RBFOX3: variants seen among roughly 807,000 people sequenced by gnomAD.
RBFOX3 encodes the protein RNA binding protein fox-1 homolog 3.
In RBFOX3, 17 loss-of-function variants were observed where a neutral mutation model predicts 48.7. The observed-to-expected ratio is 0.35, with a 90% CI of 0.24 to 0.52. RBFOX3 has a LOEUF of 0.52. Ranked by LOEUF, RBFOX3 falls within the 20% of genes least tolerant of loss-of-function variation. The probability of loss-of-function intolerance (pLI) is 0.94; values close to 1 mark genes in which losing one functional copy is unlikely to be tolerated. For missense variants in RBFOX3, 382 were observed against 497.5 expected, an observed-to-expected ratio of 0.77 and a Z score of 2.21; for synonymous variants, 212 against 209.5, an observed-to-expected ratio of 1.01 and a Z score of -0.10.
intron 3 of RBFOX3, among the ~76,000 whole-genome samples, chr17:79,307,130 TA>T (rs2076210125): frequency 6.6e-6 from 1 of 152,240 alleles, no homozygotes; most frequent in Non-Finnish European, 1.5e-5. Context: ...GACTCAGGCC[TA>T]AATATAGGCT....
intron 4 of RBFOX3, among the ~76,000 whole-genome samples, chr17:79,174,838 G>A (rs2050187749): frequency 2.0e-5 from 3 of 152,246 alleles, no homozygotes; most frequent in Non-Finnish European, 2.9e-5. Flanking sequence ...TGAGGCCTAG[G>A]AGTAGGCGAC....
At chr17:79,514,620 T>C (rs1378927298) in intron 1 of RBFOX3, among the ~76,000 whole-genome samples, 4 of 152,216 alleles carry the variant, frequency 2.6e-5, no homozygotes, top group Admixed American at 1.3e-4. Context: ...CAAGTTTCCC[T>C]GGCTGCCACC....
chr17:79,415,276 C>T (rs898312244), intron 2 of RBFOX3, among the ~76,000 whole-genome samples: 1 of 152,230 alleles, frequency 6.6e-6, no homozygotes, highest in African/African-American at 2.4e-5. Context: ...GGCACACAGA[C>T]TCTCACCTTT....
chr17:79,101,903 C>T (rs923881741), intron 8 of RBFOX3, among the ~76,000 whole-genome samples: 2 of 152,224 alleles, frequency 1.3e-5, no homozygotes, highest in African/African-American at 4.8e-5. Flanking sequence ...AACCCAGCCC[C>T]AGGCTCCCAG....
the RBFOX3 span, among the ~76,000 whole-genome samples, chr17:79,636,692 C>CA: frequency 6.6e-6 from 1 of 150,652 alleles, no homozygotes; most frequent in South Asian, 2.1e-4. Context: ...CAAAAGGAAT[C>CA]AAAGTATGCC....
At chr17:79,523,434 G>C (rs2086383961) in intron 1 of RBFOX3, among the ~76,000 whole-genome samples, 2 of 152,326 alleles carry the variant, frequency 1.3e-5, no homozygotes, top group Non-Finnish European at 2.9e-5. Context: ...AAACGGGCTG[G>C]AGGGAGGAGA....
intron 1 of RBFOX3, among the ~76,000 whole-genome samples, chr17:79,511,135 C>T (rs1217111902): frequency 1.3e-5 from 2 of 152,180 alleles, no homozygotes; most frequent in African/African-American, 4.8e-5. Context: ...AACTGCTTGG[C>T]TGGCAGAGGG....
intron 4 of RBFOX3, among the ~76,000 whole-genome samples, chr17:79,162,777 G>A (rs2047230470): frequency 2.6e-5 from 4 of 152,196 alleles, no homozygotes; most frequent in Non-Finnish European, 5.9e-5. Flanking sequence ...CGCGGCAGGT[G>A]AAGGAGGGGA....
intron 2 of RBFOX3, among the ~76,000 whole-genome samples, chr17:79,373,245 C>T (rs767281762): frequency 1.3e-5 from 2 of 152,206 alleles, no homozygotes; most frequent in Admixed American, 6.5e-5. Flanking sequence ...CCCACCCCTA[C>T]GGCCCCCACA....
intron 1 of RBFOX3, among the ~76,000 whole-genome samples, chr17:79,549,417 C>G (rs567869497): frequency 6.6e-6 from 1 of 152,372 alleles, no homozygotes; most frequent in South Asian, 2.1e-4. Flanking sequence ...GATGCAGCTC[C>G]ATAGTAATTA....
Position 79,547,058 on chromosome 17 carries a change from C to T in RBFOX3, c.-320+63768G>A, listed in dbSNP as rs548830264. ...TGGGTCTGAGCCTGACCCTTCCATC[C>T]AGGGCTGGACAAGGAGCCCTAGGGA... On this transcript the variant is annotated intron_variant, in intron 1 of 14. Transcript: ENST00000693108. Among the ~76,000 whole-genome samples the T allele has an allele frequency of 7.9e-5, 12 of 152,264 alleles. No individual in the cohort carries two copies. In the South Asian group the frequency reaches 2.5e-3, roughly 32 times the overall value.
intron 4 of RBFOX3, among the ~76,000 whole-genome samples, chr17:79,166,074 G>A (rs1354384132): frequency 5.3e-5 from 8 of 152,228 alleles, no homozygotes; most frequent in Admixed American, 1.3e-4. Context: ...TGTACCCGGC[G>A]TGCGGCAGAG....
intron 1 of RBFOX3, among the ~76,000 whole-genome samples, chr17:79,491,243 A>G (rs969181296): frequency 6.7e-6 from 1 of 149,290 alleles, no homozygotes; most frequent in Non-Finnish European, 1.5e-5. Context: ...AATGTCATCT[A>G]GGGAATGCAA....
intron 2 of RBFOX3, among the ~76,000 whole-genome samples, chr17:79,325,263 A>G (rs917996816): frequency 6.6e-6 from 1 of 152,204 alleles, no homozygotes; most frequent in Non-Finnish European, 1.5e-5. Context: ...GAGATTCCAC[A>G]GGTGGGTGAG....
intron 2 of RBFOX3, among the ~76,000 whole-genome samples, chr17:79,388,502 T>TA (rs1192062181): frequency 6.6e-6 from 1 of 152,204 alleles, no homozygotes; most frequent in Non-Finnish European, 1.5e-5. Context: ...GCGCCTTACT[T>TA]AGTCACCAAA....
rs1406839879 is a variant in RBFOX3 at position 79,482,835 on chromosome 17, A to T, written c.-319-237T>A. Among the ~76,000 whole-genome samples, 1 of 151,856 alleles carries T rather than the reference A, an allele frequency of 6.6e-6. No homozygotes were observed. Among genetic ancestry groups the T allele is most frequent in the African/African-American group, 2.4e-5 (1 of 41,304 alleles). ...AACACATCATTAGGACCCTATTGCC[A>T]AACAGCCACCGTGCAGTCCATCCCA... On this transcript the variant is annotated intron_variant, in intron 1 of 14. Transcript: ENST00000693108. The surrounding 1 kb of genome is among the most constrained non-coding windows in gnomAD (Gnocchi z 4.1).
In RBFOX3 at chr17:79,242,509, C is replaced by T. The variant is rs550942009; in HGVS notation, c.-73-6704G>A. Among the ~76,000 whole-genome samples the T allele has an allele frequency of 6.6e-6, 1 of 151,654 alleles. No individual in the cohort carries two copies. Among genetic ancestry groups the T allele is most frequent in the Non-Finnish European group, 1.5e-5 (1 of 67,968 alleles). On this transcript the variant is annotated intron_variant, in intron 3 of 14. Transcript: ENST00000693108. The surrounding 1 kb of genome is among the most constrained non-coding windows in gnomAD (Gnocchi z 5.8). Reference sequence around the variant, plus strand: ...TATTTAATGTGATGTTTTCCTCCTTCTTCTGAATAGAAATTTGCCTTTAGA... The same window carrying T: ...TATTTAATGTGATGTTTTCCTCCTTTTTCTGAATAGAAATTTGCCTTTAGA...
At chr17:79,310,315 C>T (rs566974958) in intron 2 of RBFOX3, among the ~76,000 whole-genome samples, 2 of 152,162 alleles carry the variant, frequency 1.3e-5, no homozygotes, top group Non-Finnish European at 2.9e-5. Context: ...AGGCCCTTCA[C>T]AGTCAGTTTT....
At chr17:79,229,378 G>A (rs1049600698) in intron 4 of RBFOX3, among the ~76,000 whole-genome samples, 1 of 150,692 alleles carries the variant, frequency 6.6e-6, no homozygotes, top group East Asian at 2.0e-4. Context: ...CCAACATGGT[G>A]AAACACCATC....
Sources: allele counts gnomAD v4.1 joint callset (sites outside exome capture counted in the v4.1 genomes callset), GRCh38; gene constraint gnomAD v4.1.1; non-coding constraint Gnocchi (gnomAD v3.1); transcripts MANE v1.5; gene names NCBI Gene and HGNC (gene_info 2026-07-23, HGNC 2026-07-21).